The following KIF7 variants were observed in gnomAD, a reference collection of about 807,000 sequenced individuals.
The protein encoded by KIF7 is kinesin family member 7.
In KIF7, 104 loss-of-function variants were observed where a neutral mutation model predicts 135.7. The observed-to-expected ratio is 0.77, with a 90% CI of 0.65 to 0.90. The LOEUF (loss-of-function observed/expected upper bound fraction) is 0.90, where lower values mean the gene tolerates loss of function less well. Among genes scored for constraint, KIF7 ranks in the 40% least tolerant of loss-of-function variants. The probability of loss-of-function intolerance (pLI) is 0.00; values close to 1 mark genes in which losing one functional copy is unlikely to be tolerated. For synonymous variants in KIF7, 883 were observed against 809.4 expected (o/e 1.09, Z -1.54); for missense variants, 2,005 against 1,839.1 (o/e 1.09, Z -1.65).
At chr15:89,629,713 T>G in intron 16 of KIF7, 140 bp from the exon 17 acceptor site, 3 of 1,145,740 alleles carry the variant, frequency 2.6e-6, no homozygotes, top group Non-Finnish European at 3.7e-6. Context: ...GAGCCAAGAC[T>G]CAGCCTCAGA....
chr15:89,644,550 T>C (rs1426038596), intron 10 of KIF7, among the ~76,000 whole-genome samples: 3 of 149,616 alleles, frequency 2.0e-5, no homozygotes, highest in African/African-American at 7.3e-5. Flanking sequence ...GTGGGTGTGG[T>C]GGCGGGCGCC....
At chr15:89,652,480 C>T (rs1470048907) in intron 2 of KIF7, 123 bp downstream of exon 2, 9 of 786,106 alleles carry the variant, frequency 1.1e-5, no homozygotes, top group Middle Eastern at 2.4e-4. Flanking sequence ...TCTAGGAAAT[C>T]GACTCTTCCT....
chr15:89,630,959 G>A lies in KIF7; in HGVS notation c.3112-466C>T, dbSNP rs1963660742. 6 of 275,990 alleles carry A rather than the reference G, an allele frequency of 2.2e-5. No homozygotes were observed. The Admixed American group carries it at 2.4e-4, about 11-fold the overall frequency. The allele number at this position is 275,990 out of a possible 1,614,324, so 17.1% of individuals were successfully genotyped here. Reference sequence around the variant, plus strand: ...CTACAAGCCTGGACAGCATGTGACTGTACTGAATACTGTAGGCAGTTGTTA... The same window carrying A: ...CTACAAGCCTGGACAGCATGTGACTATACTGAATACTGTAGGCAGTTGTTA... On this transcript the variant is annotated intron_variant, in intron 15 of 18. Transcript: ENST00000394412.
downstream of KIF7, chr15:89,625,242 C>T (rs1371985885): frequency 6.2e-7 from 1 of 1,613,546 alleles, no homozygotes; most frequent in African/African-American, 1.3e-5. Flanking sequence ...CCTACATCTG[C>T]CAGGCCTGTA....
chr15:89,646,981 C>G lies in KIF7; in HGVS notation c.1637G>C (p.Gly546Ala), dbSNP rs1221535786. 6.2e-7 allele frequency: 1 copy of G among 1,613,202 alleles called. No homozygotes were observed. Among genetic ancestry groups the G allele is most frequent in the African/African-American group, 1.3e-5 (1 of 74,910 alleles). Residue 546 changes from glycine to alanine, a missense_variant, in exon 7 of 19, where the codon GGG becomes GCG. Gly to Ala is a moderately conservative substitution (Grantham distance 60). Coordinates refer to ENST00000394412, the MANE Select transcript of KIF7 (RefSeq NM_198525.3). ...LRLELVRPGW[G>A]GPRLLNGLPP... ...CAGGCCATTCAGGAGCCGCGGGCCCCCCCAGCCTGGCCGCACCAGCTCTAA... is the reference window on the plus strand; with the variant it reads ...CAGGCCATTCAGGAGCCGCGGGCCCGCCCAGCCTGGCCGCACCAGCTCTAA...
rs566074793 is a variant in KIF7, at chr15:89,628,089, C to T, written c.*330G>A. The T allele has an allele frequency of 3.3e-5, 9 of 269,670 alleles. No homozygotes were observed. The highest frequency in any genetic ancestry group is 2.8e-4 in the Admixed American group (6 of 21,108). 16.7% of individuals were successfully genotyped at this position (269,670 alleles called of 1,614,324 possible). On this transcript the variant is annotated 3_prime_UTR_variant, in exon 19 of 19. Coordinates refer to ENST00000394412, the MANE Select transcript of KIF7 (RefSeq NM_198525.3). ...ACAACCTGGTTACCACCGACCCTTT[C>T]GTGATGATTCTTGGCCAAACCCCTG...
chr15:89,647,432 T>G (rs531657438), intron 6 of KIF7, among the ~76,000 whole-genome samples, 164 bp downstream of exon 6: 2 of 152,250 alleles, frequency 1.3e-5, no homozygotes, highest in East Asian at 3.9e-4. Context: ...CCTGCGCTGT[T>G]GTGATGCTCA....
chr15:89,634,027 G>C (rs376727511), intron 11 of KIF7, 144 bp from the exon 12 acceptor site: 4 of 865,236 alleles, frequency 4.6e-6, no homozygotes, highest in Admixed American at 4.0e-5. Flanking sequence ...GGCCGGGTGC[G>C]GTGGCTCACG....
At chr15:89,638,169 T>C (rs145195188) in intron 11 of KIF7, among the ~76,000 whole-genome samples, 3,578 of 138,088 alleles carry the variant, frequency 0.026, 161 homozygotes, top group African/African-American at 0.091. Context: ...ATAAGAGCTA[T>C]CTATGACAAA....
At chr15:89,625,065 G>T, downstream of KIF7, 2 of 1,613,946 alleles carry the variant, frequency 1.2e-6, no homozygotes, top group Non-Finnish European at 8.5e-7. Context: ...CTTCATTAGA[G>T]GCTGAGCCCC....
At chr15:89,624,990 GGTT>G (rs1352943652), downstream of KIF7, 1 of 1,613,956 alleles carries the variant, frequency 6.2e-7, no homozygotes, top group Non-Finnish European at 8.5e-7. Context: ...AGACCTATGA[GGTT>G]GAGCTGGAGA....
chr15:89,638,963 C>G (rs1320394721), intron 11 of KIF7, among the ~76,000 whole-genome samples: 1 of 151,862 alleles, frequency 6.6e-6, no homozygotes, highest in East Asian at 1.9e-4. Flanking sequence ...ATCAATGGAA[C>G]AGAACAGAGC....
At chr15:89,650,594 A>G (rs1442507844) in intron 2 of KIF7, among the ~76,000 whole-genome samples, 3 of 152,138 alleles carry the variant, frequency 2.0e-5, no homozygotes, top group Non-Finnish European at 4.4e-5. Flanking sequence ...GTGTTTCACC[A>G]TGTTGGCCAG....
chr15:89,628,672 C>T lies in KIF7; in HGVS notation c.3779G>A (p.Arg1260His), dbSNP rs1555423001. ...WLSPLTEGAP[R>H]TREETRDLVH... Reference sequence around the variant, plus strand: ...CAAGTCCCGCGTCTCCTCCCGGGTGCGGGGGGCCCCCTCAGTGAGGGGGGA... The same window carrying T: ...CAAGTCCCGCGTCTCCTCCCGGGTGTGGGGGGCCCCCTCAGTGAGGGGGGA... The change falls in exon 19 of 19, where the codon CGC becomes CAC. Residue 1260 changes from arginine to histidine, a missense_variant. Transcript: ENST00000394412. The T allele has an allele frequency of 4.3e-6, 7 of 1,612,962 alleles. No individual in the cohort carries two copies. The highest frequency in any genetic ancestry group is 2.7e-5 in the African/African-American group (2 of 75,028).
Position 89,633,265 on chromosome 15 carries a change from T to G in KIF7, c.2594A>C (p.Glu865Ala). ...CTGTTGCTCATGCTTCAGCTCCAGCTCCTGGGTGAGGAGCTCAGTGGGCAG... is the reference window on the plus strand; with the variant it reads ...CTGTTGCTCATGCTTCAGCTCCAGCGCCTGGGTGAGGAGCTCAGTGGGCAG... The part of the protein sequence containing the change: ...EMSKRQHRVK[E>A]LELKHEQQQK... Residue 865 changes from glutamate (E) to alanine (A), a missense_variant and splice_region_variant, in exon 13 of 19, where the codon GAG (glutamate) becomes GCG (alanine). Glu to Ala is a moderately radical substitution (Grantham distance 107). Transcript: ENST00000394412. 1 of 1,565,706 alleles carries G rather than the reference T, an allele frequency of 6.4e-7. No homozygotes were observed. The highest frequency in any genetic ancestry group is 8.6e-7 in the Non-Finnish European group (1 of 1,158,670).
At chr15:89,623,965 A>G, downstream of KIF7, 1 of 1,614,012 alleles carries the variant, frequency 6.2e-7, no homozygotes, top group South Asian at 1.1e-5. Context: ...AGTGAATTCC[A>G]GTCCAGAAAG....
intron 10 of KIF7, 135 bp downstream of exon 10, chr15:89,644,877 TG>T: frequency 8.8e-7 from 1 of 1,130,078 alleles, no homozygotes; most frequent in Non-Finnish European, 1.3e-6. Flanking sequence ...TGGAAGAGGC[TG>T]GGCTGAGTAT....
In KIF7 at chr15:89,630,114, T is replaced by C. The variant is rs533592764; in HGVS notation, c.3318+173A>G. On this transcript the variant is annotated intron_variant, in intron 16 of 18. Coordinates refer to ENST00000394412, the MANE Select transcript of KIF7 (RefSeq NM_198525.3). Reference sequence around the variant, plus strand: ...GGGGGGCGGGTAGGAAACTGGGTCTTAGTTTCACAAGTAAAATAGGCTTTA... The same window carrying C: ...GGGGGGCGGGTAGGAAACTGGGTCTCAGTTTCACAAGTAAAATAGGCTTTA... 23 of 662,668 alleles carry C rather than the reference T, an allele frequency of 3.5e-5. No individual in the cohort carries two copies. In the African/African-American group the frequency reaches 3.9e-4, roughly 11 times the overall value. The allele number at this position is 662,668 out of a possible 1,614,324, so 41.0% of individuals were successfully genotyped here. A position where few individuals can be genotyped will look rare whatever the true frequency, so the allele number is the denominator to read the frequency against.
chr15:89,652,168 G>C (rs1354405561), intron 2 of KIF7, among the ~76,000 whole-genome samples: 4 of 151,994 alleles, frequency 2.6e-5, no homozygotes, highest in Non-Finnish European at 4.4e-5. Context: ...AACTGCTCCA[G>C]AGCCTGGCTG....
Sources: gnomAD v4.1 joint callset for allele counts (sites outside exome capture counted in the v4.1 genomes callset) on GRCh38, gnomAD v4.1.1 for gene constraint, MANE v1.5 for transcripts, NCBI Gene and HGNC (gene_info 2026-07-23, HGNC 2026-07-21) for gene names.